SUCO: variants seen among roughly 807,000 people sequenced by gnomAD.
SUCO encodes SUN domain-containing ossification factor.
SUCO carries 57 observed loss-of-function variants against 148.1 expected under a neutral mutation model. That is an observed-to-expected ratio of 0.38 (90% CI 0.31 to 0.48). The LOEUF is 0.48. Among genes scored for constraint, SUCO ranks in the 20% least tolerant of loss-of-function variants. The probability of loss-of-function intolerance (pLI) is 0.96; values close to 1 mark genes in which losing one functional copy is unlikely to be tolerated. For missense variants in SUCO, 1,331 were observed against 1,468.2 expected (o/e 0.91, Z 1.53); for synonymous variants, 470 against 502.7 (o/e 0.93, Z 0.87).
At chr1:172,592,699 G>A (rs1656760254) in intron 19 of SUCO, among the ~76,000 whole-genome samples, 1 of 152,226 alleles carries the variant, frequency 6.6e-6, no homozygotes, top group African/African-American at 2.4e-5. Flanking sequence ...ATAGTTTGAA[G>A]TCAGGTAGCA....
At chr1:172,597,089 T>C (rs572494281) in intron 19 of SUCO, among the ~76,000 whole-genome samples, 3 of 152,292 alleles carry the variant, frequency 2.0e-5, no homozygotes, top group East Asian at 3.9e-4. Flanking sequence ...CTCCGAGCCA[T>C]GCACGGGATA....
At chr1:172,593,292 G>T (rs1191549644) in intron 19 of SUCO, among the ~76,000 whole-genome samples, 1 of 152,102 alleles carries the variant, frequency 6.6e-6, no homozygotes, top group Non-Finnish European at 1.5e-5. Context: ...ATTGCCCTGG[G>T]CAGAACTTCC....
chr1:172,589,730 T>C lies in SUCO; in HGVS notation c.2629T>C (p.Leu877=), dbSNP rs529867174. The change falls in exon 18 of 24, where the codon TTG becomes CTG. Residue 877 remains leucine (L), a synonymous_variant. Transcript: ENST00000263688. ...AGAACAGTCTCCAGAAGATGCCCTTTTGAGAGGGTTACAGAGGACAGCTAC... is the reference window on the plus strand; with the variant it reads ...AGAACAGTCTCCAGAAGATGCCCTTCTGAGAGGGTTACAGAGGACAGCTAC... The part of the protein sequence containing the change: ...EEEQSPEDAL[L]RGLQRTATDF... 1.4e-5 allele frequency: 22 copies of C among 1,613,302 alleles called. No individual in the cohort carries two copies. In the South Asian group the frequency reaches 2.1e-4, roughly 15 times the overall value.
intron 2 of SUCO, 172 bp from the exon 3 acceptor site, chr1:172,553,088 G>C (rs540919651): frequency 3.1e-6 from 1 of 319,396 alleles, no homozygotes; most frequent in East Asian, 1.7e-4. Context: ...GTAGCAATGA[G>C]GGGATTCAAG....
intron 17 of SUCO, among the ~76,000 whole-genome samples, chr1:172,586,838 T>C (rs745519159): frequency 6.6e-5 from 10 of 152,138 alleles, no homozygotes; most frequent in Non-Finnish European, 1.0e-4. Context: ...AATTATATTA[T>C]CCTGTGTTAA....
At chr1:172,567,857 A>G (rs1654670057) in intron 6 of SUCO, among the ~76,000 whole-genome samples, 2 of 152,172 alleles carry the variant, frequency 1.3e-5, no homozygotes, top group African/African-American at 4.8e-5. Context: ...TTTAAACTCC[A>G]TTAGATTTGT....
rs1039555319 is a variant in SUCO, at chr1:172,557,620, AAT to A, written c.582-19_582-18del. 13 of 1,558,286 alleles carry A rather than the reference AAT, an allele frequency of 8.3e-6. No homozygotes were observed. In the Admixed American group the frequency reaches 2.0e-4, roughly 24 times the overall value. ...GTTATCCAGTAAAATCTGTTTATTT[AAT>A]ATATCTTTTGGTTTTAAACAGCCTT... is the stretch of plus-strand genomic sequence containing the variant. On this transcript the variant is annotated intron_variant, in intron 5 of 23. Transcript: ENST00000263688.
chr1:172,569,559 A>G, intron 7 of SUCO: 1 of 962,508 alleles, frequency 1.0e-6, no homozygotes, highest in Non-Finnish European at 1.2e-6. Flanking sequence ...AAGCTTGCTT[A>G]TGTTATGAGG....
rs57965631 is a variant in SUCO at position 172,607,941 on chromosome 1, A to G, written c.3266-806A>G. The G allele has an allele frequency of 4.4e-3, 923 of 209,050 alleles. 7 individuals are homozygous for G. Among genetic ancestry groups the G allele is most frequent in the African/African-American group, 0.02 (864 of 42,176 alleles). 12.9% of individuals were successfully genotyped at this position (209,050 alleles called of 1,614,324 possible). ...GTAGAGCTTCTGTAGTGAATTTACT[A>G]TGTGTAAGCTTTTGTCTCTGTCAGA... On this transcript the variant is annotated intron_variant, in intron 22 of 23. Coordinates refer to ENST00000263688, the MANE Select transcript of SUCO (RefSeq NM_014283.5).
intron 22 of SUCO, among the ~76,000 whole-genome samples, chr1:172,603,625 A>G (rs980122451): frequency 1.3e-5 from 2 of 151,874 alleles, no homozygotes; most frequent in African/African-American, 4.8e-5. Context: ...ATGTCTTTTT[A>G]TAAGTGAAAT....
chr1:172,533,210 G>C lies in SUCO; in HGVS notation c.-226G>C. On this transcript the variant is annotated 5_prime_UTR_variant, in exon 1 of 24. Coordinates refer to ENST00000263688, the MANE Select transcript of SUCO (RefSeq NM_014283.5). ...GGACGAGCCGGTGGCTGCAGCGGCG[G>C]CGGTCCCCGGAGTCCTGTGAAGCGC... 6.6e-7 allele frequency: 1 copy of C among 1,520,748 alleles called. No individual in the cohort carries two copies. The highest frequency in any genetic ancestry group is 8.8e-7 in the Non-Finnish European group (1 of 1,133,972). 94.2% of individuals were successfully genotyped at this position (1,520,748 alleles called of 1,614,324 possible). A position where few individuals can be genotyped will look rare whatever the true frequency, so the allele number is the denominator to read the frequency against.
Position 172,557,314 on chromosome 1 carries a change from A to G in SUCO, c.478A>G (p.Lys160Glu). Reference protein sequence around the residue: ...IEKSGTIPIAKPSETEQSETD... With the variant: ...IEKSGTIPIAEPSETEQSETD... ...AAAATCTGGTACTATTCCGATAGCC[A>G]AACCAAGTGAAACTGAGCAGTCTGA... The change falls in exon 5 of 24, where the codon AAA (lysine) becomes GAA (glutamate). Residue 160 changes from lysine to glutamate, a missense_variant. Transcript: ENST00000263688. 2 of 1,613,964 alleles carry G rather than the reference A, an allele frequency of 1.2e-6. No homozygotes were observed. The highest frequency in any genetic ancestry group is 1.7e-6 in the Non-Finnish European group (2 of 1,179,862).
chr1:172,535,114 C>T (rs1244527103), intron 1 of SUCO, among the ~76,000 whole-genome samples: 1 of 152,174 alleles, frequency 6.6e-6, no homozygotes, highest in South Asian at 2.1e-4. Flanking sequence ...TGTTTTCTCA[C>T]CTTCAATCAT....
intron 9 of SUCO, among the ~76,000 whole-genome samples, chr1:172,571,292 T>C (rs1315593371): frequency 2.0e-5 from 3 of 152,170 alleles, no homozygotes; most frequent in African/African-American, 2.4e-5. Flanking sequence ...AGCTCCTAAC[T>C]GCGAGTGATC....
At chr1:172,532,904 C>T, upstream of SUCO, 1 of 1,418,424 alleles carries the variant, frequency 7.1e-7, no homozygotes, top group Non-Finnish European at 9.4e-7. Flanking sequence ...GCGGCGAGAG[C>T]ATCTGCTCCT....
chr1:172,578,695 T>C (rs1171847352), intron 14 of SUCO: 1 of 260,482 alleles, frequency 3.8e-6, no homozygotes, highest in Non-Finnish European at 6.0e-6. Flanking sequence ...ACTCACAAGA[T>C]ACTGAAATAG....
At position 172,610,409 on chromosome 1, in the gene SUCO, G is replaced by C. The variant is rs553949900; in HGVS notation, c.*150G>C. 39 of 1,258,322 alleles carry C rather than the reference G, an allele frequency of 3.1e-5. No homozygotes were observed. In the African/African-American group the frequency reaches 6.0e-4, roughly 19 times the overall value. The allele number at this position is 1,258,322 out of a possible 1,614,324, so 77.9% of individuals were successfully genotyped here. A position where few individuals can be genotyped will look rare whatever the true frequency, so the allele number is the denominator to read the frequency against. On this transcript the variant is annotated 3_prime_UTR_variant, in exon 24 of 24. Transcript: ENST00000263688. ...TTCTACCTTTTTAAAAAGTAGATGG[G>C]ATTGTGTCAATCTTGGTTAATGAGC...
chr1:172,578,260 T>G, intron 13 of SUCO, 38 bp from the exon 14 acceptor site: 1 of 1,436,286 alleles, frequency 7.0e-7, no homozygotes, highest in Non-Finnish European at 9.8e-7. Flanking sequence ...TAACGAGTGT[T>G]TTGTTTTGGA....
chr1:172,565,441 G>T (rs983574075), intron 6 of SUCO, among the ~76,000 whole-genome samples: 1 of 152,216 alleles, frequency 6.6e-6, no homozygotes, highest in African/African-American at 2.4e-5. Flanking sequence ...AGGGAGAGGG[G>T]CTATAACCCA....
Sources: allele counts gnomAD v4.1 joint callset (sites outside exome capture counted in the v4.1 genomes callset), GRCh38; gene constraint gnomAD v4.1.1; transcripts MANE v1.5; gene names NCBI Gene and HGNC (gene_info 2026-07-23, HGNC 2026-07-21).